AK9: variants seen among roughly 807,000 people sequenced by gnomAD.
The protein encoded by AK9 is adenylate kinase 9.
In AK9, 191 loss-of-function variants were observed where a neutral mutation model predicts 239.6. The observed-to-expected ratio is 0.80, with a 90% CI of 0.71 to 0.90. The LOEUF is 0.90. Among genes scored for constraint, AK9 ranks in the 40% least tolerant of loss-of-function variants. The pLI is 0.00. For missense variants in AK9, 1,995 were observed against 2,214.7 expected (o/e 0.90, Z 1.99); for synonymous variants, 689 against 721.0 (o/e 0.96, Z 0.71).
intron 16 of AK9, among the ~76,000 whole-genome samples, chr6:109,610,783 T>C (rs1318610616): frequency 1.3e-5 from 2 of 151,470 alleles, no homozygotes; most frequent in East Asian, 1.9e-4. Context: ...CTGGCAGGAG[T>C]CAAAACCAGG....
In AK9 at chr6:109,563,684, T is replaced by G; in HGVS notation, c.2664A>C (p.Leu888Phe). The G allele has an allele frequency of 1.9e-6, 3 of 1,550,862 alleles. No homozygotes were observed. Among genetic ancestry groups the G allele is most frequent in the Non-Finnish European group, 2.6e-6 (3 of 1,146,230 alleles). ...TTTCTTCCTCATAATCTTCCCCAGTTAACTCCCATGCAGTATATTGAAATG... is the reference window on the plus strand; with the variant it reads ...TTTCTTCCTCATAATCTTCCCCAGTGAACTCCCATGCAGTATATTGAAATG... ...EKPFQYTAWE[L>F]TGEDYEEETE... Residue 888 changes from leucine to phenylalanine, a missense_variant, in exon 24 of 41, where the codon TTA becomes TTC. By Grantham distance (22) the Leu-to-Phe change is conservative. Transcript: ENST00000424296.
intron 24 of AK9, among the ~76,000 whole-genome samples, chr6:109,559,258 C>G (rs1165859509): frequency 1.3e-5 from 2 of 152,018 alleles, no homozygotes; most frequent in African/African-American, 4.8e-5. Context: ...GGCTCTGCCT[C>G]CCGGGTTCAT....
At chr6:109,532,909 C>T (rs1781474169) in intron 28 of AK9, among the ~76,000 whole-genome samples, 1 of 152,126 alleles carries the variant, frequency 6.6e-6, no homozygotes, top group South Asian at 2.1e-4. Flanking sequence ...GGTGTCATCG[C>T]TCCAGGGGCA....
intron 29 of AK9, among the ~76,000 whole-genome samples, chr6:109,522,105 T>G (rs1779932659): frequency 6.6e-6 from 1 of 152,090 alleles, no homozygotes; most frequent in African/African-American, 2.4e-5. Flanking sequence ...AAGTGTTGTC[T>G]TTGTCTTTTA....
At position 109,659,383 on chromosome 6, in the gene AK9, A is replaced by G; in HGVS notation, c.475T>C (p.Ser159Pro). The G allele has an allele frequency of 6.2e-7, 1 of 1,611,288 alleles. No homozygotes were observed. Among genetic ancestry groups the G allele is most frequent in the Non-Finnish European group, 8.5e-7 (1 of 1,179,314 alleles). ...GTATTATTGTGCTGTCTTTGCCCAG[A>G]AATTCTCTGGCACAAATCATAGTCA... is the stretch of plus-strand genomic sequence containing the variant. ...CPDYDLCQRISGQRQHNNTGY... is the reference protein window; with the variant it reads ...CPDYDLCQRIPGQRQHNNTGY... The change falls in exon 7 of 41, where the codon TCT (serine) becomes CCT (proline). Residue 159 changes from serine to proline, a missense_variant. Physicochemically the swap from Ser to Pro is moderately conservative, Grantham distance 74. This residue lies in a region of AK9 where 252 missense variants were observed against 246.4 expected (regional missense o/e 1.02). Coordinates refer to ENST00000424296, the MANE Select transcript of AK9 (RefSeq NM_001145128.3).
In AK9 at chr6:109,550,188, TG is replaced by T; in HGVS notation, c.2865del (p.Lys956SerfsTer32). ...ILQPGNTEEA[A>X]KYREKIYYFS... ...AAGTAGTAGATCTTTTCTCGATACT[TG>T]GCTGCTTCTTCTGTGTTTCCTGGTT... On this transcript the variant is annotated frameshift_variant, in exon 25 of 41. Transcript: ENST00000424296. LOFTEE classifies it high-confidence loss of function. The T allele has an allele frequency of 6.2e-7, 1 of 1,613,986 alleles. No individual in the cohort carries two copies. Among genetic ancestry groups the T allele is most frequent in the East Asian group, 2.2e-5 (1 of 44,862 alleles).
At position 109,563,047 on chromosome 6, in the gene AK9, C is replaced by T. The variant is rs145935635; in HGVS notation, c.2751+550G>A. The stretch of plus-strand genomic sequence containing the variant: ...ACTACATATTGTTTGTTGTTTGACA[C>T]ATATATATTTGGGTTTAAGTCAGGC... On this transcript the variant is annotated intron_variant, in intron 24 of 40. Transcript: ENST00000424296. Among the ~76,000 whole-genome samples, 36 of 152,298 alleles carry T rather than the reference C, an allele frequency of 2.4e-4. No homozygotes were observed. The East Asian group carries it at 6.6e-3, about 28-fold the overall frequency.
chr6:109,656,750 T>C lies in AK9; in HGVS notation c.759+6A>G. On this transcript the variant is annotated splice_donor_region_variant and intron_variant, in intron 8 of 40. Coordinates refer to ENST00000424296, the MANE Select transcript of AK9 (RefSeq NM_001145128.3). ...ATTCATTTTCAGCAATATATTTTGT[T>C]CTTACTTCTAAAGTTTGGAGAATTG... The C allele has an allele frequency of 6.4e-7, 1 of 1,574,736 alleles. No homozygotes were observed.
intron 24 of AK9, among the ~76,000 whole-genome samples, chr6:109,559,153 T>C (rs955627663): frequency 6.8e-6 from 1 of 147,826 alleles, no homozygotes; most frequent in Non-Finnish European, 1.5e-5. Flanking sequence ...TACTCAGCCA[T>C]GGTATATCTA....
intron 17 of AK9, among the ~76,000 whole-genome samples, chr6:109,586,911 G>A (rs757862803): frequency 3.2e-4 from 49 of 152,188 alleles, no homozygotes; most frequent in Non-Finnish European, 1.6e-4. Flanking sequence ...AGTCAAAGGG[G>A]AAGAGATGTC....
In AK9 at chr6:109,552,171, C is replaced by T. The variant is rs146248691; in HGVS notation, c.2752-1869G>A. Among the ~76,000 whole-genome samples, 322 of 152,068 alleles carry T rather than the reference C, an allele frequency of 2.1e-3. 1 individual carries two copies. The highest frequency in any genetic ancestry group is 7.2e-3 in the African/African-American group (297 of 41,482). ...CATGTCTTTTCTATTGTAAATAGTG[C>T]GACAATAAACATATGTGTGCTTGTG... On this transcript the variant is annotated intron_variant, in intron 24 of 40. Transcript: ENST00000424296.
chr6:109,599,919 T>C (rs959584600), intron 17 of AK9, among the ~76,000 whole-genome samples: 6 of 152,178 alleles, frequency 3.9e-5, no homozygotes, highest in Non-Finnish European at 7.3e-5. Flanking sequence ...TTTTTGCACA[T>C]TGATTTTGTA....
intron 19 of AK9, among the ~76,000 whole-genome samples, chr6:109,584,636 C>G (rs1488143400): frequency 6.6e-6 from 1 of 151,880 alleles, no homozygotes; most frequent in African/African-American, 2.4e-5. Context: ...TTCATTATAC[C>G]CAGATTAGAG....
At chr6:109,638,910 T>G (rs1159273539) in intron 10 of AK9, among the ~76,000 whole-genome samples, 1 of 152,234 alleles carries the variant, frequency 6.6e-6, no homozygotes, top group East Asian at 1.9e-4. Flanking sequence ...TGTTTGGTTT[T>G]CTGTCCTTGC....
At chr6:109,635,714 G>GTCTTC (rs1034681267) in intron 10 of AK9, among the ~76,000 whole-genome samples, 1 of 152,212 alleles carries the variant, frequency 6.6e-6, no homozygotes, top group African/African-American at 2.4e-5. Context: ...CCTGGCAAAT[G>GTCTTC]TCTTCAGCAC....
In AK9 at chr6:109,509,098, G is replaced by GT. The variant is rs57534564; in HGVS notation, c.4481+80dup. 612 of 1,339,662 alleles carry GT rather than the reference G, an allele frequency of 4.6e-4. 2 individuals carry two copies. In the African/African-American group the frequency reaches 8.4e-3, roughly 18 times the overall value. 83.0% of individuals were successfully genotyped at this position (1,339,662 alleles called of 1,614,324 possible). On this transcript the variant is annotated intron_variant, in intron 33 of 40. Coordinates refer to ENST00000424296, the MANE Select transcript of AK9 (RefSeq NM_001145128.3). ...CCTTTATAAGAGCTTTAAGCCCCAT[G>GT]TAAGTGTTTTAAATCACGAGCGAGC...
At chr6:109,499,764 A>C (rs967466080) in intron 35 of AK9, among the ~76,000 whole-genome samples, 2 of 152,058 alleles carry the variant, frequency 1.3e-5, no homozygotes, top group East Asian at 3.9e-4. Flanking sequence ...ACAGACGGCT[A>C]ATTTTTTGTA....
Position 109,649,996 on chromosome 6 carries a change from AT to A in AK9, c.760-5309del, listed in dbSNP as rs1258892307. ...ACAAGCAATGGGGAAAGGATTCCCT[AT>A]TTAATAAATGGTGCTGGGAAAACTG... On this transcript the variant is annotated intron_variant, in intron 8 of 40. Coordinates refer to ENST00000424296, the MANE Select transcript of AK9 (RefSeq NM_001145128.3). Among the ~76,000 whole-genome samples, 10 of 152,190 alleles carry A rather than the reference AT, an allele frequency of 6.6e-5. No individual in the cohort carries two copies. The East Asian group carries it at 1.9e-3, about 29-fold the overall frequency.
intron 6 of AK9, among the ~76,000 whole-genome samples, chr6:109,661,447 G>A (rs1242220490): frequency 6.6e-6 from 1 of 151,882 alleles, no homozygotes; most frequent in Non-Finnish European, 1.5e-5. Context: ...TAAGCATTTG[G>A]GGTCTTCTGG....
Sources: allele counts gnomAD v4.1 joint callset (sites outside exome capture counted in the v4.1 genomes callset), GRCh38; gene constraint gnomAD v4.1.1; regional missense constraint gnomAD v4.1.1; transcripts MANE v1.5; gene names NCBI Gene and HGNC (gene_info 2026-07-23, HGNC 2026-07-21).